The following GHR variants were observed in gnomAD, a reference collection of about 807,000 sequenced individuals.
The protein encoded by GHR is GH receptor.
In GHR, 35 loss-of-function variants were observed where a neutral mutation model predicts 67.1. The ratio of observed to expected loss-of-function variants is 0.52; its 90% confidence interval spans 0.40 to 0.69. The LOEUF (loss-of-function observed/expected upper bound fraction) is 0.69, where lower values mean the gene tolerates loss of function less well. GHR is among the 30% of genes least tolerant of loss of function. The pLI is 0.00. For synonymous variants in GHR, 272 were observed against 269.1 expected (o/e 1.01, Z -0.10); for missense variants, 792 against 764.6 (o/e 1.04, Z -0.42).
intron 1 of GHR, among the ~76,000 whole-genome samples, chr5:42,501,360 CTT>C (rs58942296): frequency 1.3e-4 from 20 of 149,612 alleles, no homozygotes; most frequent in South Asian, 4.2e-4. Flanking sequence ...TTTAAATTAG[CTT>C]TTTTTTTTAT....
chr5:42,534,295 T>C (rs1478411691), intron 1 of GHR, among the ~76,000 whole-genome samples: 1 of 141,088 alleles, frequency 7.1e-6, no homozygotes, highest in Admixed American at 7.1e-5. Flanking sequence ...TGTACATGTG[T>C]ATATGTGTAT....
chr5:42,430,042 G>A (rs1317498645), intron 1 of GHR, among the ~76,000 whole-genome samples: 1 of 152,192 alleles, frequency 6.6e-6, no homozygotes, highest in African/African-American at 2.4e-5. Context: ...TTTTTCTCAG[G>A]AGGTAAATGG....
chr5:42,442,082 G>A (rs952630603), intron 1 of GHR, among the ~76,000 whole-genome samples: 11 of 152,170 alleles, frequency 7.2e-5, no homozygotes, highest in African/African-American at 1.9e-4. Context: ...GTGAAGCCAA[G>A]TCAAAGGAGT....
At chr5:42,443,646 A>T (rs1359916100) in intron 1 of GHR, among the ~76,000 whole-genome samples, 1 of 151,828 alleles carries the variant, frequency 6.6e-6, no homozygotes, top group East Asian at 1.9e-4. Context: ...TTATTTTAAG[A>T]GATTGGCTCA....
intron 3 of GHR, among the ~76,000 whole-genome samples, chr5:42,676,855 G>C (rs1354224939): frequency 3.9e-5 from 6 of 152,072 alleles, no homozygotes; most frequent in Non-Finnish European, 8.8e-5. Context: ...TTTGGAGAAG[G>C]CTGCTTGGTC....
At chr5:42,511,524 T>TTGAA (rs768598334) in intron 1 of GHR, among the ~76,000 whole-genome samples, 89 of 152,304 alleles carry the variant, frequency 5.8e-4, no homozygotes, top group Non-Finnish European at 9.1e-4. Context: ...TTACTAAATG[T>TTGAA]TGAATGAATG....
At chr5:42,468,385 T>A in intron 1 of GHR, 1 of 1,266,586 alleles carries the variant, frequency 7.9e-7, no homozygotes. Flanking sequence ...TCAAACCCCA[T>A]CTAAGCTTTA....
At chr5:42,539,240 TG>T (rs889262874) in intron 1 of GHR, among the ~76,000 whole-genome samples, 2 of 152,152 alleles carry the variant, frequency 1.3e-5, no homozygotes, top group African/African-American at 4.8e-5. Context: ...GTATTACTTT[TG>T]GGGGGTGTTA....
chr5:42,571,169 C>T (rs1370192462), intron 2 of GHR, among the ~76,000 whole-genome samples: 2 of 152,206 alleles, frequency 1.3e-5, no homozygotes, highest in African/African-American at 4.8e-5. Context: ...TAAAGTGGCA[C>T]TTGCACAGAA....
chr5:42,475,571 T>G (rs1292000835), intron 1 of GHR, among the ~76,000 whole-genome samples: 1 of 151,772 alleles, frequency 6.6e-6, no homozygotes, highest in Non-Finnish European at 1.5e-5. Flanking sequence ...ATGCGCATTT[T>G]GTATTTGTAA....
chr5:42,704,039 C>G (rs1281666372), intron 6 of GHR, among the ~76,000 whole-genome samples: 1 of 151,850 alleles, frequency 6.6e-6, no homozygotes, highest in African/African-American at 2.4e-5. Flanking sequence ...TTATTTCTCT[C>G]TTTTGCTTAA....
Position 42,582,023 on chromosome 5 carries a change from G to A in GHR, c.70+16079G>A, listed in dbSNP as rs4388218. Among the ~76,000 whole-genome samples, 792 of 152,350 alleles carry A rather than the reference G, an allele frequency of 5.2e-3. 5 individuals are homozygous for A. The highest frequency in any genetic ancestry group is 0.018 in the African/African-American group (749 of 41,580). The stretch of plus-strand genomic sequence containing the variant: ...GACCTGGTCAGGTGTGCACACACTC[G>A]GAGCAGTGCTGACACACCAGCCCCC... On this transcript the variant is annotated intron_variant, in intron 2 of 9. Transcript: ENST00000230882.
Position 42,719,911 on chromosome 5 carries a change from G to A in GHR, c.*487G>A. 5.5e-6 allele frequency: 1 copy of A among 182,514 alleles called. No homozygotes were observed. Among genetic ancestry groups the A allele is most frequent in the South Asian group, 1.2e-4 (1 of 8,004 alleles). 11.3% of individuals were successfully genotyped at this position (182,514 alleles called of 1,614,324 possible). A position where few individuals can be genotyped will look rare whatever the true frequency, so the allele number is the denominator to read the frequency against. ...GAGAAATTTAAACTATAAGCAAGAA[G>A]GCAAAAATAGTTTGGATATGTAAAA... is the stretch of plus-strand genomic sequence containing the variant. On this transcript the variant is annotated 3_prime_UTR_variant, in exon 10 of 10. Coordinates refer to ENST00000230882, the MANE Select transcript of GHR (RefSeq NM_000163.5).
At chr5:42,527,748 A>G (rs1167384564) in intron 1 of GHR, among the ~76,000 whole-genome samples, 2 of 152,196 alleles carry the variant, frequency 1.3e-5, no homozygotes, top group African/African-American at 2.4e-5. Flanking sequence ...AAATAACAAA[A>G]TATACATTCT....
At chr5:42,546,600 C>T (rs924453849) in intron 1 of GHR, among the ~76,000 whole-genome samples, 2 of 152,148 alleles carry the variant, frequency 1.3e-5, no homozygotes, top group African/African-American at 4.8e-5. Context: ...TTGGGGATAA[C>T]TAGTAAATAT....
chr5:42,632,046 G>T (rs1448188468), intron 3 of GHR, among the ~76,000 whole-genome samples: 1 of 151,750 alleles, frequency 6.6e-6, no homozygotes, highest in African/African-American at 2.4e-5. Context: ...CTCCTTCCTT[G>T]CATCTATCTT....
chr5:42,458,488 TA>T (rs1446466803), intron 1 of GHR, among the ~76,000 whole-genome samples: 2 of 152,056 alleles, frequency 1.3e-5, no homozygotes, highest in African/African-American at 4.8e-5. Context: ...TGAGATAGAT[TA>T]AAAACTTAAA....
intron 2 of GHR, among the ~76,000 whole-genome samples, chr5:42,625,292 G>T (rs560123389): frequency 6.6e-6 from 1 of 151,882 alleles, no homozygotes; most frequent in South Asian, 2.1e-4. Context: ...TTGTTACTGT[G>T]GGTTTCTATT....
chr5:42,538,049 C>A (rs764596442), intron 1 of GHR, among the ~76,000 whole-genome samples: 1 of 152,040 alleles, frequency 6.6e-6, no homozygotes, highest in Non-Finnish European at 1.5e-5. Flanking sequence ...TATGTGAGTT[C>A]TTATGTGTTA....
Sources: gnomAD v4.1 joint callset for allele counts (sites outside exome capture counted in the v4.1 genomes callset) on GRCh38, gnomAD v4.1.1 for gene constraint, MANE v1.5 for transcripts, NCBI Gene and HGNC (gene_info 2026-07-23, HGNC 2026-07-21) for gene names.